Variants in FUT8 observed in about 807,000 individuals in gnomAD.
The protein encoded by FUT8 is alpha-(1,6)-fucosyltransferase.
A neutral mutation model predicts 71.3 loss-of-function variants in FUT8; 29 were observed. That is an observed-to-expected ratio of 0.41 (90% CI 0.30 to 0.55). The LOEUF (loss-of-function observed/expected upper bound fraction) is 0.55. Ranked by LOEUF, FUT8 falls within the 20% of genes least tolerant of loss-of-function variation. The pLI is 0.34. For synonymous variants in FUT8, 254 were observed against 239.3 expected, an observed-to-expected ratio of 1.06 and a Z score of -0.57; for missense variants, 544 against 702.1, an observed-to-expected ratio of 0.77 and a Z score of 2.55.
At chr14:65,634,025 G>A (rs995051919) in intron 6 of FUT8, among the ~76,000 whole-genome samples, 2 of 152,218 alleles carry the variant, frequency 1.3e-5, no homozygotes, top group Non-Finnish European at 1.5e-5. Context: ...GGGAAGTGAG[G>A]AGCCCCTCTG....
intron 2 of FUT8, among the ~76,000 whole-genome samples, chr14:65,485,920 G>C (rs2066403300): frequency 6.6e-6 from 1 of 152,126 alleles, no homozygotes; most frequent in Non-Finnish European, 1.5e-5. Flanking sequence ...TAGAATCGCT[G>C]TTCTTTGTTG....
chr14:65,478,426 A>G (rs2066280415), intron 2 of FUT8, among the ~76,000 whole-genome samples: 1 of 152,174 alleles, frequency 6.6e-6, no homozygotes. Context: ...TAAGTATAAC[A>G]CAAATATCCC....
At chr14:65,423,206 G>A (rs574698327) in intron 1 of FUT8, among the ~76,000 whole-genome samples, 4 of 149,638 alleles carry the variant, frequency 2.7e-5, no homozygotes, top group African/African-American at 4.9e-5. Context: ...GGCTGGTCTC[G>A]AACTCCTGAC....
chr14:65,475,751 C>G lies in FUT8; in HGVS notation c.-228+20033C>G, dbSNP rs146246676. 4.9e-3 allele frequency among the ~76,000 whole-genome samples: 749 copies of G among 151,930 alleles called. 3 individuals carry two copies. The highest frequency in any genetic ancestry group is 0.01 in the Middle Eastern group (3 of 292). On this transcript the variant is annotated intron_variant, in intron 2 of 10. Transcript: ENST00000673929. ...CTCTATATGGTAGAGCCACTGCAAT[C>G]CAGCCTCCGCAACAGAGTGAGACCT...
chr14:65,414,077 A>G (rs965720860), intron 1 of FUT8, among the ~76,000 whole-genome samples: 1 of 152,132 alleles, frequency 6.6e-6, no homozygotes, highest in African/African-American at 2.4e-5. Context: ...CTATGTTTTA[A>G]TTATTCACAG....
chr14:65,475,674 G>C (rs1464365521), intron 2 of FUT8, among the ~76,000 whole-genome samples: 2 of 151,978 alleles, frequency 1.3e-5, no homozygotes, highest in Non-Finnish European at 2.9e-5. Context: ...TCAGGTATTT[G>C]AGGCTGCAGT....
intron 2 of FUT8, among the ~76,000 whole-genome samples, chr14:65,551,680 A>G (rs1885293507): frequency 6.6e-6 from 1 of 152,206 alleles, no homozygotes; most frequent in African/African-American, 2.4e-5. Context: ...CAAGTTGTAT[A>G]TATTATGTAT....
the FUT8 span, among the ~76,000 whole-genome samples, chr14:65,392,715 TTACTTAAAATGGCAG>T: frequency 6.6e-6 from 1 of 152,192 alleles, no homozygotes; most frequent in East Asian, 1.9e-4. Flanking sequence ...GAGAAAAATG[TTACTTAAAATGGCAG>T]TGTTTTTGGT....
rs199967376 is a variant in FUT8 at position 65,685,711 on chromosome 14, CG to C, written c.835+16233del. On this transcript the variant is annotated intron_variant, in intron 7 of 10. Coordinates refer to ENST00000673929, the MANE Select transcript of FUT8 (RefSeq NM_001371533.1). Reference sequence around the variant, plus strand: ...TTCTGGGAAAGGGGTGGGCAATTCACGGAACTGAGGGTTCCTTCCCATTTTA... The same window carrying C: ...TTCTGGGAAAGGGGTGGGCAATTCACGAACTGAGGGTTCCTTCCCATTTTA... 5.5e-3 allele frequency among the ~76,000 whole-genome samples: 843 copies of C among 152,300 alleles called. 4 individuals carry two copies. Among genetic ancestry groups the C allele is most frequent in the African/African-American group, 0.016 (650 of 41,564 alleles).
chr14:65,742,587 T>C lies in FUT8; in HGVS notation c.*177T>C. The C allele has an allele frequency of 1.7e-6, 1 of 602,644 alleles. No homozygotes were observed. Among genetic ancestry groups the C allele is most frequent in the Non-Finnish European group, 2.9e-6 (1 of 342,558 alleles). 37.3% of individuals were successfully genotyped at this position (602,644 alleles called of 1,614,324 possible). A position where few individuals can be genotyped will look rare whatever the true frequency, so the allele number is the denominator to read the frequency against. On this transcript the variant is annotated 3_prime_UTR_variant, in exon 11 of 11. Transcript: ENST00000673929. ...CATAGGCTTCAATTGGTGGAATTCC[T>C]CTTTAACAAGGGCTGCAATGCCCTC...
intron 1 of FUT8, among the ~76,000 whole-genome samples, chr14:65,452,962 A>G (rs994825350): frequency 6.6e-6 from 1 of 152,130 alleles, no homozygotes; most frequent in Non-Finnish European, 1.5e-5. Context: ...TCCTAATTCT[A>G]TCAACCCTGT....
intron 2 of FUT8, among the ~76,000 whole-genome samples, chr14:65,513,669 A>G (rs1023091259): frequency 3.3e-5 from 5 of 149,892 alleles, no homozygotes; most frequent in Non-Finnish European, 7.4e-5. Flanking sequence ...AAATCGATCA[A>G]ACTTCTCTCC....
chr14:65,589,013 T>G (rs1436208627), intron 3 of FUT8, among the ~76,000 whole-genome samples: 2 of 152,184 alleles, frequency 1.3e-5, no homozygotes, highest in Non-Finnish European at 2.9e-5. Flanking sequence ...TCCTTTTTCT[T>G]GTCGCTCTCA....
At chr14:65,545,835 C>T (rs1368559606) in intron 2 of FUT8, among the ~76,000 whole-genome samples, 1 of 151,556 alleles carries the variant, frequency 6.6e-6, no homozygotes, top group Non-Finnish European at 1.5e-5. Flanking sequence ...TTCTTATTGT[C>T]TGAAATTTGT....
intron 2 of FUT8, among the ~76,000 whole-genome samples, chr14:65,526,909 G>A (rs966540132): frequency 1.3e-5 from 2 of 152,214 alleles, no homozygotes; most frequent in Non-Finnish European, 1.5e-5. Flanking sequence ...CTTCTGGCTT[G>A]TAGAGTTTCT....
intron 3 of FUT8, among the ~76,000 whole-genome samples, chr14:65,594,325 G>T (rs1887847533): frequency 6.6e-6 from 1 of 152,230 alleles, no homozygotes; most frequent in Non-Finnish European, 1.5e-5. Flanking sequence ...ATGCAAGTGA[G>T]TGAGTGCAGG....
At chr14:65,524,061 T>G (rs1289399041) in intron 2 of FUT8, among the ~76,000 whole-genome samples, 6 of 152,360 alleles carry the variant, frequency 3.9e-5, no homozygotes, top group African/African-American at 1.4e-4. Context: ...TGCGGGCTCT[T>G]TTTTGGTTCC....
chr14:65,552,331 T>G (rs1885337307), intron 2 of FUT8, among the ~76,000 whole-genome samples: 1 of 152,150 alleles, frequency 6.6e-6, no homozygotes, highest in Non-Finnish European at 1.5e-5. Context: ...TCTGTCTTGT[T>G]CACTGCTGCA....
intron 2 of FUT8, among the ~76,000 whole-genome samples, chr14:65,540,860 A>T (rs1166408516): frequency 6.6e-6 from 1 of 152,238 alleles, no homozygotes; most frequent in East Asian, 1.9e-4. Context: ...TTAAAGGAAA[A>T]TGTGAAACTT....
Sources: gnomAD v4.1 joint callset for allele counts (sites outside exome capture counted in the v4.1 genomes callset) on GRCh38, gnomAD v4.1.1 for gene constraint, MANE v1.5 for transcripts, NCBI Gene and HGNC (gene_info 2026-07-23, HGNC 2026-07-21) for gene names.